Variants in MICAL3 observed in about 807,000 individuals in gnomAD.
MICAL3 encodes [F-actin]-monooxygenase MICAL3.
In MICAL3, 62 loss-of-function variants were observed where a neutral mutation model predicts 207.4. That is an observed-to-expected ratio of 0.30 (90% CI 0.24 to 0.37). The LOEUF (loss-of-function observed/expected upper bound fraction) is 0.37, where lower values mean the gene tolerates loss of function less well. MICAL3 is among the 10% of genes least tolerant of loss of function. The pLI is 1.00. For synonymous variants in MICAL3, 1,077 were observed against 1,069.3 expected (o/e 1.01, Z -0.14); for missense variants, 2,368 against 2,635.6 (o/e 0.90, Z 2.22).
At chr22:17,797,908 T>A (rs1296435140) in intron 29 of MICAL3, among the ~76,000 whole-genome samples, 1 of 152,196 alleles carries the variant, frequency 6.6e-6, no homozygotes, top group Admixed American at 6.5e-5. Context: ...GGGACCTGCC[T>A]CATCTTGGTA....
chr22:17,801,710 A>G (rs527548247), intron 29 of MICAL3, among the ~76,000 whole-genome samples: 133 of 151,974 alleles, frequency 8.8e-4, no homozygotes, highest in African/African-American at 3.1e-3. Flanking sequence ...CCTGGCCAAC[A>G]TGGTGAAACC....
chr22:17,935,089 A>G (rs1933451485), intron 1 of MICAL3, among the ~76,000 whole-genome samples: 1 of 152,222 alleles, frequency 6.6e-6, no homozygotes, highest in Non-Finnish European at 1.5e-5. Flanking sequence ...TTTAAAGTTC[A>G]TATGGAACCA....
At chr22:17,877,474 T>TGAGGGAGG (rs1317358344) in intron 16 of MICAL3, among the ~76,000 whole-genome samples, 8 of 130,048 alleles carry the variant, frequency 6.2e-5, no homozygotes, top group South Asian at 2.3e-4. Flanking sequence ...ATTATGGAGG[T>TGAGGGAGG]TAGGGAGGTT....
chr22:17,994,000 C>G (rs1921989725), intron 1 of MICAL3, among the ~76,000 whole-genome samples: 1 of 152,188 alleles, frequency 6.6e-6, no homozygotes, highest in Non-Finnish European at 1.5e-5. Context: ...AAGCAGGGAT[C>G]ATAACAGCAC....
intron 1 of MICAL3, among the ~76,000 whole-genome samples, chr22:17,912,837 C>T (rs182560295): frequency 6.6e-4 from 101 of 152,294 alleles, no homozygotes; most frequent in East Asian, 4.4e-3. Context: ...GGCCTAACTG[C>T]TCTGGATAGA....
intron 1 of MICAL3, among the ~76,000 whole-genome samples, chr22:17,989,477 G>C (rs183470281): frequency 8.8e-4 from 134 of 152,064 alleles, no homozygotes; most frequent in African/African-American, 3.1e-3. Flanking sequence ...ACAGAACCCG[G>C]TACAGCAGCT....
At chr22:17,863,682 C>A in intron 19 of MICAL3, 1 of 985,434 alleles carries the variant, frequency 1.0e-6, no homozygotes, top group Non-Finnish European at 1.2e-6. Flanking sequence ...CTCATGGCTC[C>A]CAGGGCACAC....
chr22:17,932,911 G>A (rs1019862060), intron 1 of MICAL3, among the ~76,000 whole-genome samples: 1 of 152,216 alleles, frequency 6.6e-6, no homozygotes, highest in Non-Finnish European at 1.5e-5. Flanking sequence ...AATTCAACAA[G>A]AAGAGTTAAC....
chr22:17,984,918 G>A (rs140173136), intron 1 of MICAL3, among the ~76,000 whole-genome samples: 2,466 of 152,218 alleles, frequency 0.016, 67 homozygotes, highest in African/African-American at 0.052. Context: ...TGGCTCCAGA[G>A]CCCAGGCCCT....
chr22:18,004,928 A>T (rs944497246), intron 1 of MICAL3: 4 of 140,948 alleles, frequency 2.8e-5, no homozygotes, highest in Non-Finnish European at 4.6e-5. Flanking sequence ...TTTTATTTTT[A>T]TTTTGTTTTT....
intron 25 of MICAL3, among the ~76,000 whole-genome samples, chr22:17,820,897 T>G (rs892150519): frequency 6.8e-6 from 1 of 146,106 alleles, no homozygotes; most frequent in Non-Finnish European, 1.5e-5. Context: ...TAAACATAAA[T>G]TTTAATAAAT....
At chr22:17,792,451 C>T (rs1485939034) in intron 29 of MICAL3, among the ~76,000 whole-genome samples, 1 of 152,192 alleles carries the variant, frequency 6.6e-6, no homozygotes, top group Non-Finnish European at 1.5e-5. Context: ...GCACTCTCTG[C>T]GTCCCTTGGC....
At chr22:17,948,067 C>T (rs540885487) in intron 1 of MICAL3, among the ~76,000 whole-genome samples, 23 of 152,266 alleles carry the variant, frequency 1.5e-4, no homozygotes, top group African/African-American at 2.4e-4. Flanking sequence ...AAGCAAGGCA[C>T]GAGAGCTTGA....
intron 29 of MICAL3, among the ~76,000 whole-genome samples, chr22:17,795,575 A>G (rs1315703035): frequency 6.6e-6 from 1 of 152,248 alleles, no homozygotes; most frequent in Non-Finnish European, 1.5e-5. Flanking sequence ...AGAGAACAAT[A>G]TAACAGAATA....
intron 1 of MICAL3, among the ~76,000 whole-genome samples, chr22:17,910,710 C>G (rs1932081082): frequency 6.6e-6 from 1 of 152,224 alleles, no homozygotes; most frequent in African/African-American, 2.4e-5. Flanking sequence ...CAGCATTGCT[C>G]TGTGGCTCTG....
intron 1 of MICAL3, among the ~76,000 whole-genome samples, chr22:17,912,541 C>T (rs548210301): frequency 6.6e-6 from 1 of 152,138 alleles, no homozygotes; most frequent in Non-Finnish European, 1.5e-5. Flanking sequence ...CTGTACAAGG[C>T]TTTCACCTCC....
chr22:18,023,305 C>A (rs754087961), intron 1 of MICAL3, among the ~76,000 whole-genome samples: 27 of 152,160 alleles, frequency 1.8e-4, no homozygotes, highest in Non-Finnish European at 1.3e-4. Context: ...GTCAGAATCT[C>A]CAGGGATTGG....
intron 1 of MICAL3, among the ~76,000 whole-genome samples, chr22:17,971,836 C>T (rs567383713): frequency 6.6e-6 from 1 of 152,322 alleles, no homozygotes; most frequent in Admixed American, 6.5e-5. Flanking sequence ...GGGAGGATGC[C>T]CAGGGAAAGG....
chr22:17,818,578 C>T lies in MICAL3; in HGVS notation c.4083G>A (p.Val1361=). Residue 1361 remains valine, a synonymous_variant, in exon 26 of 32, where the codon GTG becomes GTA. Coordinates refer to ENST00000441493, the MANE Select transcript of MICAL3 (RefSeq NM_015241.3). The part of the protein sequence containing the change: ...PSFPTPAFRP[V]SLKSYSVEKS... ...TTTCAACGGAATAGGATTTGAGGGA[C>T]ACTGGCCTGAAGGCAGGCGTGGGGA... The T allele has an allele frequency of 3.7e-6, 6 of 1,613,668 alleles. No individual in the cohort carries two copies. The highest frequency in any genetic ancestry group is 5.1e-6 in the Non-Finnish European group (6 of 1,179,882).
Sources: allele counts gnomAD v4.1 joint callset (sites outside exome capture counted in the v4.1 genomes callset), GRCh38; gene constraint gnomAD v4.1.1; transcripts MANE v1.5; gene names NCBI Gene and HGNC (gene_info 2026-07-23, HGNC 2026-07-21).